The following VPS26B variants were observed in gnomAD, a reference collection of about 807,000 sequenced individuals.
VPS26B encodes the protein vacuolar protein sorting-associated protein 26B.
VPS26B carries 10 observed loss-of-function variants against 33.3 expected under a neutral mutation model. The observed-to-expected ratio is 0.30, with a 90% CI of 0.19 to 0.51. The LOEUF (loss-of-function observed/expected upper bound fraction) is 0.51. Among genes scored for constraint, VPS26B ranks in the 20% least tolerant of loss-of-function variants. The pLI is 0.98. For synonymous variants in VPS26B, 190 were observed against 176.9 expected (o/e 1.07, Z -0.59); for missense variants, 317 against 452.7 (o/e 0.70, Z 2.72).
At chr11:134,225,586 T>A in intron 1 of VPS26B, 17 of 530,368 alleles carry the variant, frequency 3.2e-5, no homozygotes, top group Non-Finnish European at 5.5e-5. Flanking sequence ...GGAAGCGCCC[T>A]GCTGTGCCTC....
intron 3 of VPS26B, among the ~76,000 whole-genome samples, chr11:134,241,177 A>C (rs933072290): frequency 6.6e-6 from 1 of 152,208 alleles, no homozygotes; most frequent in Non-Finnish European, 1.5e-5. Flanking sequence ...CTATTCACAG[A>C]GAGCTATACA....
intron 3 of VPS26B, among the ~76,000 whole-genome samples, chr11:134,241,662 C>A (rs1017075543): frequency 6.6e-6 from 1 of 152,246 alleles, no homozygotes; most frequent in Non-Finnish European, 1.5e-5. Context: ...AAAGCAGCCA[C>A]TGGTCATCAG....
At chr11:134,229,438 C>T (rs886392336) in intron 1 of VPS26B, among the ~76,000 whole-genome samples, 5 of 152,214 alleles carry the variant, frequency 3.3e-5, no homozygotes, top group African/African-American at 9.6e-5. Context: ...GGATACCCTA[C>T]AGGTGCCTCA....
intron 2 of VPS26B, chr11:134,236,825 GT>G (rs1938639584): frequency 1.3e-5 from 2 of 152,298 alleles, no homozygotes; most frequent in Non-Finnish European, 2.9e-5. Flanking sequence ...GGAAATGGGG[GT>G]TGGTGTTTAA....
At position 134,225,174 on chromosome 11, in the gene VPS26B, G is replaced by C. The variant is rs1480395792; in HGVS notation, c.52G>C (p.Asp18His). 17 of 1,613,926 alleles carry C rather than the reference G, an allele frequency of 1.1e-5. No homozygotes were observed. The Admixed American group carries it at 2.5e-4, about 24-fold the overall frequency. Residue 18 changes from aspartate (D) to histidine (H), a missense_variant, in exon 1 of 6, where the codon GAT (aspartate) becomes CAT (histidine). Physicochemically the swap from Asp to His is moderately conservative, Grantham distance 81. Coordinates refer to ENST00000281187, the MANE Select transcript of VPS26B (RefSeq NM_052875.5). The part of the protein sequence containing the change: ...QSVEVEILLN[D>H]AESRKRAEHK... Reference sequence around the variant, plus strand: ...CGTGGAGGTGGAAATCCTTCTGAACGATGCAGAGAGTAGGAAGCGGGCCGA... The same window carrying C: ...CGTGGAGGTGGAAATCCTTCTGAACCATGCAGAGAGTAGGAAGCGGGCCGA...
chr11:134,232,837 G>T (rs1024197626), intron 1 of VPS26B, among the ~76,000 whole-genome samples: 2 of 152,164 alleles, frequency 1.3e-5, no homozygotes, highest in African/African-American at 4.8e-5. Flanking sequence ...AGGTTCCCAA[G>T]TCAAGGTTTC....
In VPS26B at chr11:134,224,827, A is replaced by G. The variant is rs1198457103; in HGVS notation, c.-296A>G. The G allele has an allele frequency of 6.4e-6, 1 of 156,930 alleles. No individual in the cohort carries two copies. Among genetic ancestry groups the G allele is most frequent in the East Asian group, 1.9e-4 (1 of 5,404 alleles). The allele number at this position is 156,930 out of a possible 1,614,324, so 9.7% of individuals were successfully genotyped here. On this transcript the variant is annotated 5_prime_UTR_variant, in exon 1 of 6. Coordinates refer to ENST00000281187, the MANE Select transcript of VPS26B (RefSeq NM_052875.5). The stretch of plus-strand genomic sequence containing the variant: ...TTGCACGGCCGACCCTCGCCCGCCC[A>G]CTGCCACCGGCCGCGGGACTGGCTG...
chr11:134,234,307 A>G (rs998520043), intron 1 of VPS26B, among the ~76,000 whole-genome samples: 1 of 152,154 alleles, frequency 6.6e-6, no homozygotes, highest in Admixed American at 6.5e-5. Context: ...CTGCTACTTC[A>G]CACAGAGCCT....
At chr11:134,242,953 G>A (rs1938755895) in intron 3 of VPS26B, among the ~76,000 whole-genome samples, 166 bp from the exon 4 acceptor site, 1 of 152,164 alleles carries the variant, frequency 6.6e-6, no homozygotes, top group South Asian at 2.1e-4. Context: ...AGTAAAGACC[G>A]CACTGGGAAA....
intron 3 of VPS26B, among the ~76,000 whole-genome samples, chr11:134,242,481 C>T (rs1034804966): frequency 6.6e-6 from 1 of 152,250 alleles, no homozygotes; most frequent in Non-Finnish European, 1.5e-5. Context: ...TTCTCTCATG[C>T]CTGATACGGG....
In VPS26B at chr11:134,244,122, C is replaced by T. The variant is rs1470681222; in HGVS notation, c.722-816C>T. 6.6e-6 allele frequency: 1 copy of T among 152,202 alleles called. No individual in the cohort carries two copies. Among genetic ancestry groups the T allele is most frequent in the Admixed American group, 6.5e-5 (1 of 15,284 alleles). The allele number at this position is 152,202 out of a possible 1,614,324, so 9.4% of individuals were successfully genotyped here. A position where few individuals can be genotyped will look rare whatever the true frequency, so the allele number is the denominator to read the frequency against. ...CCTTGGAGGGTTGGGACCAAGCTCT[C>T]CTGACACTCTCTGATGTCCCATTTT... On this transcript the variant is annotated intron_variant, in intron 4 of 5. Coordinates refer to ENST00000281187, the MANE Select transcript of VPS26B (RefSeq NM_052875.5). This position sits in a 1 kb window ranked among gnomAD's most constrained non-coding sequence, Gnocchi z 4.0.
chr11:134,226,782 A>G (rs1305957509), intron 1 of VPS26B, among the ~76,000 whole-genome samples: 1 of 152,222 alleles, frequency 6.6e-6, no homozygotes, highest in Non-Finnish European at 1.5e-5. Flanking sequence ...AGACACAGGT[A>G]GGAGAAACCC....
intron 1 of VPS26B, among the ~76,000 whole-genome samples, chr11:134,228,138 C>A (rs1251486828): frequency 6.6e-6 from 1 of 152,238 alleles, no homozygotes; most frequent in African/African-American, 2.4e-5. Context: ...GGATGTATTT[C>A]TTGATCAAGA....
Position 134,245,817 on chromosome 11 carries a change from T to TAGCATCCTGGAAGCC in VPS26B, c.*231_*245dup, listed in dbSNP as rs1415825126. Reference sequence around the variant, plus strand: ...TGCGGCCGATGTGGGATAGAAGAGGTAGCATCCTGGAAGCCAGCCTCTCTG... The same window carrying TAGCATCCTGGAAGCC: ...TGCGGCCGATGTGGGATAGAAGAGGTAGCATCCTGGAAGCCAGCATCCTGGAAGCCAGCCTCTCTG... On this transcript the variant is annotated 3_prime_UTR_variant, in exon 6 of 6. Transcript: ENST00000281187. This position sits in a 1 kb window ranked among gnomAD's most constrained non-coding sequence, Gnocchi z 4.7. The TAGCATCCTGGAAGCC allele has an allele frequency of 1.8e-6, 1 of 556,980 alleles. No individual in the cohort carries two copies. Among genetic ancestry groups the TAGCATCCTGGAAGCC allele is most frequent in the African/African-American group, 1.9e-5 (1 of 53,292 alleles). The allele number at this position is 556,980 out of a possible 1,614,324, so 34.5% of individuals were successfully genotyped here.
chr11:134,238,410 G>A (rs896480674), intron 2 of VPS26B, among the ~76,000 whole-genome samples: 10 of 152,078 alleles, frequency 6.6e-5, no homozygotes, highest in Admixed American at 2.0e-4. Flanking sequence ...CCCAGACAGC[G>A]GGGTGGGGAG....
chr11:134,245,090 A>AGGCTCCTCCAGGCCCC lies in VPS26B; in HGVS notation c.864+12_864+27dup. 1 of 1,613,656 alleles carries AGGCTCCTCCAGGCCCC rather than the reference A, an allele frequency of 6.2e-7. No individual in the cohort carries two copies. Among genetic ancestry groups the AGGCTCCTCCAGGCCCC allele is most frequent in the Non-Finnish European group, 8.5e-7 (1 of 1,179,906 alleles). ...CTACTTCAAGCAGCAGGTGAGGGCC[A>AGGCTCCTCCAGGCCCC]GGCTCCTCCAGGCCCCGATGCCCTT... On this transcript the variant is annotated intron_variant, in intron 5 of 5. Transcript: ENST00000281187. This position sits in a 1 kb window ranked among gnomAD's most constrained non-coding sequence, Gnocchi z 4.7.
rs1240686767 is a variant in VPS26B, at chr11:134,247,420, A to G, written c.*1830A>G. The G allele has an allele frequency of 2.6e-5, 4 of 152,168 alleles. No individual in the cohort carries two copies. Among genetic ancestry groups the G allele is most frequent in the Admixed American group, 6.5e-5 (1 of 15,284 alleles). 9.4% of individuals were successfully genotyped at this position (152,168 alleles called of 1,614,324 possible). A position where few individuals can be genotyped will look rare whatever the true frequency, so the allele number is the denominator to read the frequency against. ...ACTGACAACACACGTTCATTTTCCAACCTTCCTAACATCTTAAACCTTTCT... is the reference window on the plus strand; with the variant it reads ...ACTGACAACACACGTTCATTTTCCAGCCTTCCTAACATCTTAAACCTTTCT... On this transcript the variant is annotated 3_prime_UTR_variant, in exon 6 of 6. Coordinates refer to ENST00000281187, the MANE Select transcript of VPS26B (RefSeq NM_052875.5).
chr11:134,224,980 C>G lies in VPS26B; in HGVS notation c.-143C>G. On this transcript the variant is annotated 5_prime_UTR_variant, in exon 1 of 6. Coordinates refer to ENST00000281187, the MANE Select transcript of VPS26B (RefSeq NM_052875.5). ...CGGCTGTCCGTCGGCGCCCACTGCC[C>G]GGCGGCAGCGGCGGAGCCAGGCAGC... 3.3e-6 allele frequency: 2 copies of G among 608,804 alleles called. No individual in the cohort carries two copies. The highest frequency in any genetic ancestry group is 4.6e-6 in the Non-Finnish European group (2 of 434,274). The allele number at this position is 608,804 out of a possible 1,614,324, so 37.7% of individuals were successfully genotyped here.
Position 134,246,624 on chromosome 11 carries a change from G to A in VPS26B, c.*1034G>A, listed in dbSNP as rs1407949676. On this transcript the variant is annotated 3_prime_UTR_variant, in exon 6 of 6. Transcript: ENST00000281187. ...CCCTCTCCCTATAGGTTACACAGGG[G>A]AGACCAGGGCCTCGGCAGAAGACTG... 1.3e-5 allele frequency: 2 copies of A among 152,378 alleles called. No individual in the cohort carries two copies. Among genetic ancestry groups the A allele is most frequent in the Non-Finnish European group, 2.9e-5 (2 of 68,022 alleles). 9.4% of individuals were successfully genotyped at this position (152,378 alleles called of 1,614,324 possible).
Sources: gnomAD v4.1 joint callset for allele counts (sites outside exome capture counted in the v4.1 genomes callset) on GRCh38, gnomAD v4.1.1 for gene constraint, Gnocchi (gnomAD v3.1) non-coding constraint, MANE v1.5 for transcripts, NCBI Gene and HGNC (gene_info 2026-07-23, HGNC 2026-07-21) for gene names.